Variants in ARHGAP5 observed in about 807,000 individuals in gnomAD.
The protein encoded by ARHGAP5 is rho GTPase-activating protein 5.
In ARHGAP5, 23 loss-of-function variants were observed where a neutral mutation model predicts 116.6. The ratio of observed to expected loss-of-function variants is 0.20; its 90% CI spans 0.14 to 0.28. The LOEUF (loss-of-function observed/expected upper bound fraction) is 0.28. ARHGAP5 is among the 10% of genes least tolerant of loss of function. The pLI is 1.00. For synonymous variants in ARHGAP5, 574 were observed against 602.0 expected (o/e 0.95, Z 0.68); for missense variants, 1,405 against 1,774.8 (o/e 0.79, Z 3.74).
chr14:32,101,253 A>G (rs1434411199), intron 2 of ARHGAP5, among the ~76,000 whole-genome samples: 1 of 152,142 alleles, frequency 6.6e-6, no homozygotes, highest in Non-Finnish European at 1.5e-5. Context: ...AGCCACTGTA[A>G]TGGGGTTTGG....
At chr14:32,107,700 C>CT (rs1239593022) in intron 2 of ARHGAP5, among the ~76,000 whole-genome samples, 1 of 152,126 alleles carries the variant, frequency 6.6e-6, no homozygotes, top group East Asian at 1.9e-4. Context: ...ATAGCAAAGA[C>CT]TAAGGGTGAA....
chr14:32,134,657 C>T (rs1341287314), intron 3 of ARHGAP5, among the ~76,000 whole-genome samples: 2 of 152,166 alleles, frequency 1.3e-5, no homozygotes, highest in Non-Finnish European at 2.9e-5. Context: ...TTGTATCACA[C>T]ATACATACTC....
At chr14:32,113,690 TTTTCCTC>T (rs1879419328) in intron 2 of ARHGAP5, among the ~76,000 whole-genome samples, 1 of 152,222 alleles carries the variant, frequency 6.6e-6, no homozygotes, top group Non-Finnish European at 1.5e-5. Context: ...AGACTTCACT[TTTTCCTC>T]TTTCCTGTGA....
At chr14:32,128,500 C>T (rs192646369) in intron 3 of ARHGAP5, among the ~76,000 whole-genome samples, 1 of 152,248 alleles carries the variant, frequency 6.6e-6, no homozygotes, top group African/African-American at 2.4e-5. Context: ...TTTCCTCATT[C>T]CAAGGATGGC....
intron 3 of ARHGAP5, among the ~76,000 whole-genome samples, chr14:32,132,458 T>G (rs1880553650): frequency 1.3e-5 from 2 of 152,340 alleles, no homozygotes; most frequent in South Asian, 4.1e-4. Context: ...TAAATTTGTT[T>G]GAGTTCATTA....
intron 1 of ARHGAP5, among the ~76,000 whole-genome samples, chr14:32,079,775 A>G (rs765990903): frequency 5.3e-5 from 8 of 152,170 alleles, no homozygotes; most frequent in Admixed American, 1.3e-4. Context: ...CTTGGTAGCT[A>G]CAGAATAAGT....
At chr14:32,087,433 GTT>G (rs78897765) in intron 1 of ARHGAP5, among the ~76,000 whole-genome samples, 1 of 143,606 alleles carries the variant, frequency 7.0e-6, no homozygotes. Context: ...GGTGACAACA[GTT>G]TTTTTTTTTC....
At chr14:32,104,289 T>A (rs1198167826) in intron 2 of ARHGAP5, among the ~76,000 whole-genome samples, 1 of 152,220 alleles carries the variant, frequency 6.6e-6, no homozygotes, top group South Asian at 2.1e-4. Context: ...TAATAAAATA[T>A]CTGCCACATA....
rs1881575593 is a variant in ARHGAP5 at position 32,150,100 on chromosome 14, G to T, written c.4075+67G>T. 6 of 1,315,716 alleles carry T rather than the reference G, an allele frequency of 4.6e-6. No individual in the cohort carries two copies. In the South Asian group the frequency reaches 8.5e-5, roughly 19 times the overall value. The allele number at this position is 1,315,716 out of a possible 1,614,324, so 81.5% of individuals were successfully genotyped here. Reference sequence around the variant, plus strand: ...AGTTTTTGGATATTGATTGCTAAGTGTTAAAATCATCATGTACTAGAATAT... The same window carrying T: ...AGTTTTTGGATATTGATTGCTAAGTTTTAAAATCATCATGTACTAGAATAT... On this transcript the variant is annotated intron_variant, in intron 5 of 6. Coordinates refer to ENST00000345122, the MANE Select transcript of ARHGAP5 (RefSeq NM_001030055.2).
chr14:32,079,643 T>C (rs750815033), intron 1 of ARHGAP5, among the ~76,000 whole-genome samples: 8 of 152,188 alleles, frequency 5.3e-5, no homozygotes, highest in Non-Finnish European at 5.9e-5. Flanking sequence ...CTTTTTTTAA[T>C]TGAAGAAAAA....
intron 6 of ARHGAP5, chr14:32,153,956 G>A (rs1016373435): frequency 2.0e-5 from 3 of 151,996 alleles, no homozygotes; most frequent in Admixed American, 6.6e-5. Context: ...ACAGAGGAAG[G>A]AAGGGAAAAT....
At chr14:32,115,634 C>G in intron 2 of ARHGAP5, among the ~76,000 whole-genome samples, 1 of 143,192 alleles carries the variant, frequency 7.0e-6, no homozygotes, top group East Asian at 2.1e-4. Context: ...CCACTGCACT[C>G]CAGCCTGGGT....
intron 2 of ARHGAP5, among the ~76,000 whole-genome samples, chr14:32,110,407 A>C (rs1879233674): frequency 6.6e-6 from 1 of 151,600 alleles, no homozygotes; most frequent in Admixed American, 6.6e-5. Context: ...CTGTCCTTCC[A>C]TCTCAGCCTC....
intron 3 of ARHGAP5, among the ~76,000 whole-genome samples, chr14:32,123,233 T>C (rs575452436): frequency 5.9e-5 from 9 of 152,150 alleles, no homozygotes; most frequent in African/African-American, 2.2e-4. Flanking sequence ...CTGGAGCATC[T>C]TAGCTCTCTT....
At chr14:32,110,050 C>T (rs976581711) in intron 2 of ARHGAP5, among the ~76,000 whole-genome samples, 31 of 152,038 alleles carry the variant, frequency 2.0e-4, no homozygotes, top group African/African-American at 7.2e-4. Context: ...GTTTAATCTA[C>T]AAATTAAGCT....
At chr14:32,100,353 C>T (rs1033190318) in intron 2 of ARHGAP5, among the ~76,000 whole-genome samples, 2 of 152,078 alleles carry the variant, frequency 1.3e-5, no homozygotes, top group Non-Finnish European at 2.9e-5. Flanking sequence ...GTATTAGCCA[C>T]CATGCCTAGC....
chr14:32,122,448 C>T (rs1311795602), intron 3 of ARHGAP5, among the ~76,000 whole-genome samples: 1 of 152,124 alleles, frequency 6.6e-6, no homozygotes, highest in East Asian at 1.9e-4. Context: ...AAATATTCTC[C>T]ATTCTGTGGG....
At chr14:32,130,733 A>T (rs995591789) in intron 3 of ARHGAP5, among the ~76,000 whole-genome samples, 4 of 148,816 alleles carry the variant, frequency 2.7e-5, no homozygotes, top group African/African-American at 1.0e-4. Context: ...GGATTTCACC[A>T]TATTGGCCAG....
At chr14:32,104,795 A>T (rs1414635076) in intron 2 of ARHGAP5, among the ~76,000 whole-genome samples, 2 of 152,108 alleles carry the variant, frequency 1.3e-5, no homozygotes, top group Admixed American at 6.6e-5. Context: ...TAAAATTCTC[A>T]GGCTTTTCAG....
Sources: gnomAD v4.1 joint callset for allele counts (sites outside exome capture counted in the v4.1 genomes callset) on GRCh38, gnomAD v4.1.1 for gene constraint, MANE v1.5 for transcripts, NCBI Gene and HGNC (gene_info 2026-07-23, HGNC 2026-07-21) for gene names.